Variants in L3MBTL3 observed in about 807,000 individuals in gnomAD.
L3MBTL3 encodes lethal(3)malignant brain tumor-like protein 3.
In L3MBTL3, 27 loss-of-function variants were observed where a neutral mutation model predicts 102.3. The ratio of observed to expected loss-of-function variants is 0.26; its 90% CI spans 0.19 to 0.36. The LOEUF is 0.36. L3MBTL3 is among the 10% of genes least tolerant of loss of function. The pLI, the probability that L3MBTL3 is intolerant of heterozygous loss-of-function variation, is 1.00. For synonymous variants in L3MBTL3, 340 were observed against 320.9 expected (o/e 1.06, Z -0.64); for missense variants, 798 against 955.3 (o/e 0.84, Z 2.17).
chr6:130,059,981 C>A, intron 9 of L3MBTL3, 55 bp from the exon 10 acceptor site: 1 of 941,062 alleles, frequency 1.1e-6, no homozygotes, highest in Non-Finnish European at 1.7e-6. Context: ...CTATTTACAT[C>A]TTTAAATAGG....
intron 2 of L3MBTL3, among the ~76,000 whole-genome samples, chr6:130,032,329 G>A (rs541537068): frequency 6.6e-6 from 1 of 152,272 alleles, no homozygotes; most frequent in East Asian, 1.9e-4. Context: ...TGTGTCTGTA[G>A]TCCCAGCTGC....
intron 11 of L3MBTL3, among the ~76,000 whole-genome samples, chr6:130,067,568 G>A (rs931143410): frequency 6.6e-6 from 1 of 152,190 alleles, no homozygotes; most frequent in Non-Finnish European, 1.5e-5. Flanking sequence ...TAATGGCAGA[G>A]TGGTATTTTC....
chr6:130,080,517 A>G (rs547494617), intron 14 of L3MBTL3, among the ~76,000 whole-genome samples: 9 of 152,290 alleles, frequency 5.9e-5, no homozygotes, highest in Admixed American at 1.3e-4. Flanking sequence ...GATCTGATTA[A>G]TTAACAATGA....
At chr6:130,043,375 A>C (rs141012522) in intron 3 of L3MBTL3, among the ~76,000 whole-genome samples, 1 of 152,192 alleles carries the variant, frequency 6.6e-6, no homozygotes, top group South Asian at 2.1e-4. Context: ...TTGGAGAGCA[A>C]TACTTCAGTC....
At chr6:130,102,454 A>G (rs1784751650) in intron 18 of L3MBTL3, among the ~76,000 whole-genome samples, 1 of 152,158 alleles carries the variant, frequency 6.6e-6, no homozygotes, top group South Asian at 2.1e-4. Flanking sequence ...TTCTCTCCAA[A>G]AGGCATCCTG....
At chr6:130,048,445 C>A (rs538584582) in intron 3 of L3MBTL3, among the ~76,000 whole-genome samples, 1 of 152,124 alleles carries the variant, frequency 6.6e-6, no homozygotes, top group Non-Finnish European at 1.5e-5. Context: ...GGTCTCCACA[C>A]GTAGGTAAGC....
intron 10 of L3MBTL3, 67 bp from the exon 11 acceptor site, chr6:130,066,286 G>GTATATATACATATATA (rs1782246742): frequency 2.9e-6 from 1 of 345,374 alleles, no homozygotes; most frequent in Non-Finnish European, 4.6e-6. Context: ...TTATTTTTGT[G>GTATATATACATATATA]TATATATATA....
Position 130,094,305 on chromosome 6 carries a change from C to T in L3MBTL3, c.1674C>T (p.Cys558=). The part of the protein sequence containing the change: ...ELMEASEHGG[C]STPGCKGIGH... ...TGGAAGCTTCAGAACATGGTGGATG[C>T]TCAACCCCGGGATGTAAAGGGATTG... The change falls in exon 18 of 23, where the codon TGC becomes TGT. Residue 558 remains cysteine (C), a synonymous_variant. Coordinates refer to ENST00000361794, the MANE Select transcript of L3MBTL3 (RefSeq NM_032438.4). The T allele has an allele frequency of 1.9e-6, 3 of 1,613,810 alleles. No individual in the cohort carries two copies. Among genetic ancestry groups the T allele is most frequent in the Non-Finnish European group, 1.7e-6 (2 of 1,179,818 alleles).
At chr6:130,063,768 C>T (rs899924875) in intron 10 of L3MBTL3, among the ~76,000 whole-genome samples, 3 of 152,160 alleles carry the variant, frequency 2.0e-5, no homozygotes, top group Admixed American at 6.5e-5. Context: ...AACAACACCT[C>T]AGCACTATGT....
rs935914865 is a variant in L3MBTL3, at chr6:130,057,512, A to G, written c.759+15A>G. On this transcript the variant is annotated intron_variant, in intron 9 of 22. Transcript: ENST00000361794. ...TGTTCAAGGAGGTACGGGCCCTTCT[A>G]GAGACGTGATCTGTAAGGGCGCAGG... 6 of 1,592,012 alleles carry G rather than the reference A, an allele frequency of 3.8e-6. No homozygotes were observed. The highest frequency in any genetic ancestry group is 5.1e-6 in the Non-Finnish European group (6 of 1,168,532).
At chr6:130,057,634 G>A (rs1186935607) in intron 9 of L3MBTL3, 137 bp downstream of exon 9, 2 of 715,164 alleles carry the variant, frequency 2.8e-6, no homozygotes, top group African/African-American at 3.6e-5. Context: ...GTGTTTATAT[G>A]GAGGGCAGTG....
intron 6 of L3MBTL3, among the ~76,000 whole-genome samples, chr6:130,052,382 G>T (rs1242180949): frequency 3.3e-5 from 5 of 152,174 alleles, no homozygotes; most frequent in African/African-American, 1.2e-4. Context: ...TGGGATTAAA[G>T]GTGTGAGCCA....
intron 18 of L3MBTL3, among the ~76,000 whole-genome samples, chr6:130,098,899 A>G (rs1784517256): frequency 7.1e-6 from 1 of 140,592 alleles, no homozygotes; most frequent in African/African-American, 2.7e-5. Flanking sequence ...GTTTTTTGTC[A>G]GGACAGAGTG....
intron 14 of L3MBTL3, among the ~76,000 whole-genome samples, chr6:130,079,871 T>C (rs190299219): frequency 6.6e-6 from 1 of 152,302 alleles, no homozygotes; most frequent in Admixed American, 6.5e-5. Context: ...AGTTTTCTCA[T>C]ATAATAAAGG....
chr6:130,068,548 T>G, intron 12 of L3MBTL3, 127 bp downstream of exon 12: 1 of 544,458 alleles, frequency 1.8e-6, no homozygotes, highest in Non-Finnish European at 3.3e-6. Context: ...AGTACTCTTA[T>G]CTTAATTAAA....
chr6:130,113,858 A>AAGC (rs1562323674), intron 19 of L3MBTL3, among the ~76,000 whole-genome samples: 7 of 149,046 alleles, frequency 4.7e-5, no homozygotes, highest in Non-Finnish European at 1.0e-4. Context: ...CTAAAAGCAT[A>AAGC]TATAAATCTA....
At chr6:130,059,188 C>T (rs199937866) in intron 9 of L3MBTL3, among the ~76,000 whole-genome samples, 7 of 152,172 alleles carry the variant, frequency 4.6e-5, no homozygotes, top group Non-Finnish European at 8.8e-5. Flanking sequence ...GCCCTGCCCC[C>T]CCAGGCACCA....
chr6:130,031,894 TAAAATA>T (rs1376475297), intron 2 of L3MBTL3, among the ~76,000 whole-genome samples: 3 of 152,140 alleles, frequency 2.0e-5, no homozygotes, highest in Non-Finnish European at 2.9e-5. Context: ...AAATTACTAT[TAAAATA>T]AAAATAACAT....
intron 19 of L3MBTL3, among the ~76,000 whole-genome samples, chr6:130,106,670 A>G (rs2115369929): frequency 6.6e-6 from 1 of 152,258 alleles, no homozygotes; most frequent in African/African-American, 2.4e-5. Context: ...GTATGCAGCA[A>G]CGCTGGTCTT....
Sources: allele counts gnomAD v4.1 joint callset (sites outside exome capture counted in the v4.1 genomes callset), GRCh38; gene constraint gnomAD v4.1.1; transcripts MANE v1.5; gene names NCBI Gene and HGNC (gene_info 2026-07-23, HGNC 2026-07-21).